Variants in SPOCK1 observed in about 807,000 individuals in gnomAD.
The protein encoded by SPOCK1 is SPARC (osteonectin), cwcv and kazal like domains proteoglycan 1.
SPOCK1 carries 23 observed loss-of-function variants against 55.3 expected under a neutral mutation model. The ratio of observed to expected loss-of-function variants is 0.42; its 90% CI spans 0.30 to 0.59. The LOEUF (loss-of-function observed/expected upper bound fraction) is 0.59. Ranked by LOEUF, SPOCK1 falls within the 20% of genes least tolerant of loss-of-function variation. SPOCK1 has a pLI of 0.22. For missense variants in SPOCK1, 499 were observed against 552.5 expected (o/e 0.90, Z 0.97); for synonymous variants, 226 against 221.0 (o/e 1.02, Z -0.20).
chr5:137,450,650 A>G lies in SPOCK1; in HGVS notation c.186+47723T>C, dbSNP rs138225936. ...TCTCCAGGCCCTGAAAATTATGTAG[A>G]CAGTCCTTAGCTCCGAACTTCACAA... On this transcript the variant is annotated intron_variant, in intron 2 of 10. Transcript: ENST00000394945. Among the ~76,000 whole-genome samples the G allele has an allele frequency of 1.9e-3, 284 of 152,222 alleles. 1 individual carries two copies. The highest frequency in any genetic ancestry group is 6.6e-3 in the African/African-American group (273 of 41,538).
intron 2 of SPOCK1, among the ~76,000 whole-genome samples, chr5:137,428,757 T>C (rs1752685146): frequency 6.6e-6 from 1 of 151,922 alleles, no homozygotes. Flanking sequence ...ATTATGGGAG[T>C]TGTCCTAACA....
intron 2 of SPOCK1, among the ~76,000 whole-genome samples, chr5:137,316,870 T>C (rs1757889766): frequency 6.6e-6 from 1 of 152,212 alleles, no homozygotes; most frequent in African/African-American, 2.4e-5. Flanking sequence ...GTGGGCCCGC[T>C]CTGTGCCCAC....
chr5:137,004,834 GA>G (rs1315053731), intron 6 of SPOCK1, among the ~76,000 whole-genome samples: 3 of 152,182 alleles, frequency 2.0e-5, no homozygotes, highest in African/African-American at 7.2e-5. Flanking sequence ...AGCAAAAATA[GA>G]CTTCCTACAG....
intron 2 of SPOCK1, among the ~76,000 whole-genome samples, chr5:137,373,241 A>C (rs1751241033): frequency 6.6e-6 from 1 of 152,194 alleles, no homozygotes; most frequent in African/African-American, 2.4e-5. Context: ...ACCTGCTACC[A>C]ACTGTACTGT....
intron 2 of SPOCK1, among the ~76,000 whole-genome samples, chr5:137,464,720 C>T (rs1753565143): frequency 6.6e-6 from 1 of 152,118 alleles, no homozygotes. Flanking sequence ...CAGGTCTGCA[C>T]ATGCTGACTG....
Position 136,992,563 on chromosome 5 carries a change from C to G in SPOCK1, c.627G>C (p.Arg209=), listed in dbSNP as rs767527277. 3.7e-6 allele frequency: 6 copies of G among 1,613,650 alleles called. No individual in the cohort carries two copies. Among genetic ancestry groups the G allele is most frequent in the Admixed American group, 3.3e-5 (2 of 59,964 alleles). Residue 209 remains arginine, a synonymous_variant, in exon 7 of 11, where the codon CGG becomes CGC. Transcript: ENST00000394945. ...TDKELRNLAS[R]LKDWFGALHE... ...GGAGAGCTCCAAACCAATCCTTCAG[C>G]CGGGAGGCAAGGTTCCGCAACTCCT...
At chr5:137,235,574 T>C (rs1756164059) in intron 3 of SPOCK1, among the ~76,000 whole-genome samples, 1 of 152,206 alleles carries the variant, frequency 6.6e-6, no homozygotes, top group Admixed American at 6.5e-5. Flanking sequence ...TGGAGGTATG[T>C]ATACAAGTGA....
intron 2 of SPOCK1, among the ~76,000 whole-genome samples, chr5:137,492,223 A>C (rs1394263556): frequency 6.6e-6 from 1 of 152,236 alleles, no homozygotes; most frequent in Non-Finnish European, 1.5e-5. Flanking sequence ...GACAATCAGC[A>C]CACTCTACCA....
intron 3 of SPOCK1, among the ~76,000 whole-genome samples, chr5:137,225,718 A>G (rs1056990830): frequency 5.9e-5 from 9 of 152,238 alleles, no homozygotes; most frequent in African/African-American, 2.2e-4. Context: ...CATCAGAAGT[A>G]CTGATTCAGC....
chr5:137,445,464 C>A (rs1365374394), intron 2 of SPOCK1, among the ~76,000 whole-genome samples: 1 of 152,142 alleles, frequency 6.6e-6, no homozygotes, highest in Non-Finnish European at 1.5e-5. Flanking sequence ...CACTCAGAGG[C>A]AACAGGGAGG....
At chr5:137,020,170 A>T (rs1284933930) in intron 6 of SPOCK1, among the ~76,000 whole-genome samples, 8 of 151,796 alleles carry the variant, frequency 5.3e-5, no homozygotes, top group Non-Finnish European at 1.2e-4. Flanking sequence ...CCATAACTCT[A>T]TGTAGGTTAA....
chr5:137,205,521 T>C (rs1755502837), intron 3 of SPOCK1, among the ~76,000 whole-genome samples: 1 of 152,174 alleles, frequency 6.6e-6, no homozygotes, highest in South Asian at 2.1e-4. Flanking sequence ...CAGTGATGAA[T>C]TGTCTGAGTC....
chr5:137,234,912 T>C (rs1353493026), intron 3 of SPOCK1, among the ~76,000 whole-genome samples: 1 of 152,232 alleles, frequency 6.6e-6, no homozygotes, highest in African/African-American at 2.4e-5. Context: ...ATCAGAGAGA[T>C]GAACATCTTA....
chr5:137,401,901 C>T (rs1294332794), intron 2 of SPOCK1, among the ~76,000 whole-genome samples: 2 of 152,132 alleles, frequency 1.3e-5, no homozygotes, highest in Admixed American at 1.3e-4. Flanking sequence ...TGGGTCCCTG[C>T]ATCTCTTTCT....
intron 4 of SPOCK1, among the ~76,000 whole-genome samples, chr5:137,133,745 A>G (rs1561621909): frequency 6.6e-6 from 1 of 152,196 alleles, no homozygotes; most frequent in African/African-American, 2.4e-5. Context: ...AAATATCTCT[A>G]TGTTTAAGTG....
At chr5:137,130,035 C>T (rs1168330448) in intron 4 of SPOCK1, among the ~76,000 whole-genome samples, 2 of 152,154 alleles carry the variant, frequency 1.3e-5, no homozygotes, top group Admixed American at 1.3e-4. Context: ...TAAGTTCTTC[C>T]CGTAGTTGGT....
At chr5:137,039,471 A>G (rs1291042822) in intron 6 of SPOCK1, among the ~76,000 whole-genome samples, 1 of 152,088 alleles carries the variant, frequency 6.6e-6, no homozygotes, top group Non-Finnish European at 1.5e-5. Context: ...TTTCCTCAGT[A>G]TTATTCCACC....
chr5:137,170,811 G>A (rs56352214), intron 3 of SPOCK1, among the ~76,000 whole-genome samples: 19,332 of 152,062 alleles, frequency 0.13, 1,415 homozygotes, highest in East Asian at 0.23. Context: ...TTGTGGCAGC[G>A]CAAGATGACT....
chr5:137,077,409 G>A (rs1409377803), intron 5 of SPOCK1, among the ~76,000 whole-genome samples: 2 of 152,238 alleles, frequency 1.3e-5, no homozygotes, highest in East Asian at 3.9e-4. Flanking sequence ...GAGGTGCCCT[G>A]CTGGCGGCTG....
Sources: allele counts gnomAD v4.1 joint callset (sites outside exome capture counted in the v4.1 genomes callset), GRCh38; gene constraint gnomAD v4.1.1; transcripts MANE v1.5; gene names NCBI Gene and HGNC (gene_info 2026-07-23, HGNC 2026-07-21).